Variants in STARD13 observed in about 807,000 individuals in gnomAD.
The protein encoded by STARD13 is stAR-related lipid transfer protein 13.
In STARD13, 62 loss-of-function variants were observed where a neutral mutation model predicts 106.4. That is an observed-to-expected ratio of 0.58 (90% CI 0.48 to 0.72). STARD13 has a LOEUF of 0.72. STARD13 is among the 30% of genes least tolerant of loss of function. STARD13 has a pLI of 0.00. For missense variants in STARD13, 1,387 were observed against 1,424.0 expected, an observed-to-expected ratio of 0.97 and a Z score of 0.42; for synonymous variants, 565 against 553.0, an observed-to-expected ratio of 1.02 and a Z score of -0.31.
rs1440055370 is a variant in STARD13 at position 33,130,588 on chromosome 13, A to G, written c.388-299T>C. ...CTCTCTAAGAAGTTTTCCCTGACTG[A>G]TTATAAAGAGGGTATAATTACATCA... On this transcript the variant is annotated intron_variant, in intron 4 of 13. Coordinates refer to ENST00000336934, the MANE Select transcript of STARD13 (RefSeq NM_178006.4). This position sits in a 1 kb window ranked among gnomAD's most constrained non-coding sequence, Gnocchi z 4.1. Among the ~76,000 whole-genome samples, 2 of 152,170 alleles carry G rather than the reference A, an allele frequency of 1.3e-5. No homozygotes were observed. Among genetic ancestry groups the G allele is most frequent in the Non-Finnish European group, 2.9e-5 (2 of 68,044 alleles).
At chr13:33,155,021 G>A (rs1396137171) in intron 3 of STARD13, among the ~76,000 whole-genome samples, 2 of 151,916 alleles carry the variant, frequency 1.3e-5, no homozygotes, top group Admixed American at 6.6e-5. Flanking sequence ...GGATTCCCCG[G>A]CATCCACTCT....
chr13:33,194,947 AGT>A (rs1341157287), intron 1 of STARD13, among the ~76,000 whole-genome samples: 1 of 152,280 alleles, frequency 6.6e-6, no homozygotes, highest in African/African-American at 2.4e-5. Flanking sequence ...GCAATCTTGC[AGT>A]GACTTCAAGG....
the STARD13 span, among the ~76,000 whole-genome samples, chr13:33,530,187 G>A: frequency 1.3e-5 from 2 of 150,870 alleles, no homozygotes; most frequent in African/African-American, 4.9e-5. Flanking sequence ...GAAATACAGA[G>A]AAGCACACAA....
chr13:33,305,554 T>C (rs1892874544), intron 1 of STARD13, among the ~76,000 whole-genome samples: 1 of 152,216 alleles, frequency 6.6e-6, no homozygotes. Context: ...TCTCCCTGCA[T>C]GGAGTAGACA....
chr13:33,387,464 C>T, the STARD13 span, among the ~76,000 whole-genome samples: 62 of 152,246 alleles, frequency 4.1e-4, no homozygotes, highest in East Asian at 4.4e-3. Context: ...AACAAAAAAC[C>T]GTGGTGACTT....
chr13:33,455,973 CATAA>C, the STARD13 span, among the ~76,000 whole-genome samples: 1 of 151,892 alleles, frequency 6.6e-6, no homozygotes, highest in South Asian at 2.1e-4. Flanking sequence ...TAAATAAATA[CATAA>C]ATAAATAAAT....
At chr13:33,466,274 A>G in the STARD13 span, among the ~76,000 whole-genome samples, 1 of 152,240 alleles carries the variant, frequency 6.6e-6, no homozygotes, top group Non-Finnish European at 1.5e-5. Context: ...AACATACAAT[A>G]TGTTATGACG....
chr13:33,347,568 T>G (rs1367001956), downstream of STARD13, among the ~76,000 whole-genome samples: 1 of 152,202 alleles, frequency 6.6e-6, no homozygotes, highest in Non-Finnish European at 1.5e-5. Flanking sequence ...TCCTTTTAGA[T>G]GTGTTTAGAG....
At chr13:33,267,236 T>C (rs1342318099) in intron 1 of STARD13, among the ~76,000 whole-genome samples, 1 of 152,066 alleles carries the variant, frequency 6.6e-6, no homozygotes, top group African/African-American at 2.4e-5. Context: ...GGAAGACACA[T>C]AAAAGGGCAA....
chr13:33,244,916 G>C (rs184781820), intron 1 of STARD13, among the ~76,000 whole-genome samples: 1 of 152,320 alleles, frequency 6.6e-6, no homozygotes, highest in African/African-American at 2.4e-5. Flanking sequence ...GAATTCGGTT[G>C]TCATGTAGCA....
rs766134901 is a variant in STARD13, at chr13:33,185,922, C to T, written c.170-18300G>A. On this transcript the variant is annotated intron_variant, in intron 1 of 13. Coordinates refer to ENST00000336934, the MANE Select transcript of STARD13 (RefSeq NM_178006.4). The stretch of plus-strand genomic sequence containing the variant: ...GTTCACTCTGCTTTTCTGTTTCCCA[C>T]CACAGACAGTGTCTTTGCATTCTCT... 5.8e-5 allele frequency: 94 copies of T among 1,614,128 alleles called. 1 individual carries two copies. In the South Asian group the frequency reaches 1.0e-3, roughly 17 times the overall value.
the STARD13 span, among the ~76,000 whole-genome samples, chr13:33,372,361 ATGT>A: frequency 2.0e-5 from 3 of 152,140 alleles, no homozygotes; most frequent in African/African-American, 7.2e-5. Context: ...TCCAGTGAAG[ATGT>A]TGTCATTGAA....
chr13:33,259,073 T>C (rs1890509129), intron 1 of STARD13, among the ~76,000 whole-genome samples: 1 of 152,214 alleles, frequency 6.6e-6, no homozygotes, highest in Non-Finnish European at 1.5e-5. Context: ...TGCCTACCCT[T>C]GTACTTCTGT....
the STARD13 span, among the ~76,000 whole-genome samples, chr13:33,508,036 T>C: frequency 6.6e-6 from 1 of 152,138 alleles, no homozygotes; most frequent in Non-Finnish European, 1.5e-5. Flanking sequence ...CATGATAATA[T>C]GTAACTAAGA....
rs946273349 is a variant in STARD13, at chr13:33,285,748, C to G, written c.-110G>C. 1.3e-6 allele frequency: 2 copies of G among 1,487,494 alleles called. No homozygotes were observed. Among genetic ancestry groups the G allele is most frequent in the African/African-American group, 2.8e-5 (2 of 71,024 alleles). 92.1% of individuals were successfully genotyped at this position (1,487,494 alleles called of 1,614,324 possible). A position where few individuals can be genotyped will look rare whatever the true frequency, so the allele number is the denominator to read the frequency against. On this transcript the variant is annotated 5_prime_UTR_variant, in exon 1 of 14. Coordinates refer to ENST00000336934, the MANE Select transcript of STARD13 (RefSeq NM_178006.4). ...GCCCAGGACAGCTCAACAGACCCAGCGATTTTTAAAAAGAAAGAGGAGTGC... is the reference window on the plus strand; with the variant it reads ...GCCCAGGACAGCTCAACAGACCCAGGGATTTTTAAAAAGAAAGAGGAGTGC...
the STARD13 span, among the ~76,000 whole-genome samples, chr13:33,441,561 G>A: frequency 6.6e-6 from 1 of 152,168 alleles, no homozygotes; most frequent in African/African-American, 2.4e-5. Context: ...GGGATGTCCT[G>A]AGCCCCAAGT....
chr13:33,552,824 A>T, the STARD13 span, among the ~76,000 whole-genome samples: 1 of 152,202 alleles, frequency 6.6e-6, no homozygotes, highest in Admixed American at 6.5e-5. Context: ...GATTTGACAC[A>T]ATTTTAGTAA....
chr13:33,445,853 G>A, the STARD13 span, among the ~76,000 whole-genome samples: 1 of 152,086 alleles, frequency 6.6e-6, no homozygotes, highest in Admixed American at 6.5e-5. Flanking sequence ...ACCCAAGTGA[G>A]GGTTTTAATC....
At chr13:33,614,236 C>T in the STARD13 span, among the ~76,000 whole-genome samples, 3 of 147,506 alleles carry the variant, frequency 2.0e-5, no homozygotes, top group Non-Finnish European at 4.5e-5. Flanking sequence ...CCGAAGGCTG[C>T]CTAAATAGAC....
Sources: gnomAD v4.1 joint callset for allele counts (sites outside exome capture counted in the v4.1 genomes callset) on GRCh38, gnomAD v4.1.1 for gene constraint, Gnocchi (gnomAD v3.1) non-coding constraint, MANE v1.5 for transcripts, NCBI Gene and HGNC (gene_info 2026-07-23, HGNC 2026-07-21) for gene names.